Variants in CAND2 observed in about 807,000 individuals in gnomAD.
CAND2 encodes the protein cullin-associated NEDD8-dissociated protein 2.
A neutral mutation model predicts 98.9 loss-of-function variants in CAND2; 62 were observed. The observed-to-expected ratio is 0.63, with a 90% CI of 0.51 to 0.77. CAND2 has a LOEUF of 0.77. CAND2 is among the 30% of genes least tolerant of loss of function. The pLI, the probability that CAND2 is intolerant of heterozygous loss-of-function variation, is 0.00. For missense variants in CAND2, 1,501 were observed against 1,655.2 expected (o/e 0.91, Z 1.62); for synonymous variants, 770 against 731.9 (o/e 1.05, Z -0.84).
At chr3:12,833,127 G>T (rs141472202) in intron 14 of CAND2, among the ~76,000 whole-genome samples, 2 of 152,308 alleles carry the variant, frequency 1.3e-5, no homozygotes, top group East Asian at 3.9e-4. Flanking sequence ...CCACTGCATT[G>T]AATTCTTTAG....
chr3:12,810,157 G>A lies in CAND2; in HGVS notation c.590G>A (p.Gly197Glu). Residue 197 changes from glycine to glutamate, a missense_variant, in exon 5 of 15, where the codon GGA becomes GAA. By Grantham distance (98) the Gly-to-Glu change is moderately conservative. Coordinates refer to ENST00000456430, the MANE Select transcript of CAND2 (RefSeq NM_001162499.2). ...CTGGCGGTGCGCAAGCGGGCGGTCG[G>A]AGCGCTTGGCCACCTGGCGGCCGCC... ...PRLAVRKRAV[G>E]ALGHLAAACS... 6.5e-7 allele frequency: 1 copy of A among 1,526,980 alleles called. No homozygotes were observed. Among genetic ancestry groups the A allele is most frequent in the East Asian group, 2.5e-5 (1 of 39,222 alleles). 94.6% of individuals were successfully genotyped at this position (1,526,980 alleles called of 1,614,324 possible). A position where few individuals can be genotyped will look rare whatever the true frequency, so the allele number is the denominator to read the frequency against.
At chr3:12,804,535 T>C (rs944820762) in intron 2 of CAND2, among the ~76,000 whole-genome samples, 1 of 152,106 alleles carries the variant, frequency 6.6e-6, no homozygotes, top group Non-Finnish European at 1.5e-5. Flanking sequence ...CAGCCTTAGA[T>C]CACTGTGAGG....
chr3:12,810,085 A>G lies in CAND2; in HGVS notation c.518A>G (p.His173Arg). 6.9e-7 allele frequency: 1 copy of G among 1,445,102 alleles called. No individual in the cohort carries two copies. The highest frequency in any genetic ancestry group is 9.1e-7 in the Non-Finnish European group (1 of 1,099,796). The allele number at this position is 1,445,102 out of a possible 1,614,324, so 89.5% of individuals were successfully genotyped here. ...SRLGVPLGAF[H>R]ASLLHCLLPQ... ...CTGGGTGTCCCGCTGGGCGCCTTCCACGCCAGCCTCCTGCACTGTCTGCTG... is the reference window on the plus strand; with the variant it reads ...CTGGGTGTCCCGCTGGGCGCCTTCCGCGCCAGCCTCCTGCACTGTCTGCTG... The change falls in exon 5 of 15, where the codon CAC becomes CGC. Residue 173 changes from histidine (H) to arginine (R), a missense_variant. By Grantham distance (29) the His-to-Arg change is conservative. Transcript: ENST00000456430.
At chr3:12,798,830 C>A (rs895048105) in intron 1 of CAND2, among the ~76,000 whole-genome samples, 6 of 152,210 alleles carry the variant, frequency 3.9e-5, no homozygotes, top group African/African-American at 1.4e-4. Context: ...GACCAGCTGT[C>A]CAGGCGTCCG....
chr3:12,810,283 A>G lies in CAND2; in HGVS notation c.716A>G (p.Gln239Arg), dbSNP rs1262804294. ...CCGACTGCCATCCGCACCCTGATCC[A>G]ATGTTTGGGCAGCGTCGGCCGCCAG... is the stretch of plus-strand genomic sequence containing the variant. Reference protein sequence around the residue: ...TSPTAIRTLIQCLGSVGRQAG... With the variant: ...TSPTAIRTLIRCLGSVGRQAG... The change falls in exon 5 of 15, where the codon CAA becomes CGA. Residue 239 changes from glutamine (Q) to arginine (R), a missense_variant. Around this residue, in one of 3 missense-constraint regions of CAND2, gnomAD observed 1,427 missense variants for 1,545.3 expected, o/e 0.92. Coordinates refer to ENST00000456430, the MANE Select transcript of CAND2 (RefSeq NM_001162499.2). The G allele has an allele frequency of 2.7e-6, 4 of 1,492,600 alleles. No homozygotes were observed. Among genetic ancestry groups the G allele is most frequent in the Non-Finnish European group, 3.6e-6 (4 of 1,120,888 alleles). The allele number at this position is 1,492,600 out of a possible 1,614,324, so 92.5% of individuals were successfully genotyped here.
chr3:12,800,533 T>G (rs2061758069), intron 1 of CAND2, among the ~76,000 whole-genome samples: 1 of 152,132 alleles, frequency 6.6e-6, no homozygotes, highest in Non-Finnish European at 1.5e-5. Context: ...TCCTGTTTTC[T>G]CCTGAGACTC....
chr3:12,817,308 T>C lies in CAND2; in HGVS notation c.2376T>C (p.Gly792=). The change falls in exon 10 of 15, where the codon GGT becomes GGC. Residue 792 remains glycine (G), a synonymous_variant. Transcript: ENST00000456430. ...CTGTTTATGAGCAGGCTGTGGATGG[T>C]GGGCCTGGCCTGCACAAGCAGGTGT... ...TAPVYEQAVD[G]GPGLHKQVFH... 1 of 1,613,862 alleles carries C rather than the reference T, an allele frequency of 6.2e-7. No individual in the cohort carries two copies. The highest frequency in any genetic ancestry group is 8.5e-7 in the Non-Finnish European group (1 of 1,180,012).
chr3:12,827,577 C>G lies in CAND2; in HGVS notation c.3348C>G (p.Asp1116Glu). The change falls in exon 13 of 15, where the codon GAC (aspartate) becomes GAG (glutamate). Residue 1116 changes from aspartate to glutamate, a missense_variant. By Grantham distance (45) the Asp-to-Glu change is conservative. Around this residue, in one of 3 missense-constraint regions of CAND2, gnomAD observed 1,427 missense variants for 1,545.3 expected, o/e 0.92. Coordinates refer to ENST00000456430, the MANE Select transcript of CAND2 (RefSeq NM_001162499.2). ...GTGAGTTCCTGAACCATGTGGAGGA[C>G]GGGCTGAAGGACCACTACGACATCC... ...DICEFLNHVE[D>E]GLKDHYDIRM... is the part of the protein sequence containing the mutation. 1.2e-6 allele frequency: 2 copies of G among 1,613,022 alleles called. No homozygotes were observed. The highest frequency in any genetic ancestry group is 1.7e-6 in the Non-Finnish European group (2 of 1,179,362).
At chr3:12,812,814 C>T (rs1287496224) in intron 5 of CAND2, among the ~76,000 whole-genome samples, 176 bp from the exon 6 acceptor site, 3 of 152,208 alleles carry the variant, frequency 2.0e-5, no homozygotes, top group African/African-American at 7.2e-5. Flanking sequence ...CCCAAGGTCC[C>T]ATAGCAGTTG....
intron 10 of CAND2, among the ~76,000 whole-genome samples, chr3:12,819,512 G>A (rs2061937461): frequency 6.6e-6 from 1 of 152,178 alleles, no homozygotes; most frequent in Admixed American, 6.5e-5. Flanking sequence ...CAAAGCACAA[G>A]TAAGCAAGCT....
chr3:12,819,814 G>A (rs1176855266), intron 10 of CAND2, among the ~76,000 whole-genome samples: 1 of 152,178 alleles, frequency 6.6e-6, no homozygotes, highest in Non-Finnish European at 1.5e-5. Context: ...GTCTTTGTTG[G>A]AGCAGTTCCT....
At chr3:12,805,036 A>G (rs1349749854) in intron 2 of CAND2, among the ~76,000 whole-genome samples, 1 of 152,230 alleles carries the variant, frequency 6.6e-6, no homozygotes, top group African/African-American at 2.4e-5. Context: ...TTCATACATT[A>G]TAAAACCTAC....
intron 13 of CAND2, among the ~76,000 whole-genome samples, chr3:12,828,549 C>T (rs1265882811): frequency 6.6e-6 from 1 of 151,990 alleles, no homozygotes; most frequent in Non-Finnish European, 1.5e-5. Context: ...ACCATATTGG[C>T]CAGGCTGGTC....
chr3:12,806,264 C>T (rs111269068), intron 2 of CAND2, among the ~76,000 whole-genome samples: 48 of 152,002 alleles, frequency 3.2e-4, no homozygotes, highest in East Asian at 9.7e-4. Context: ...GCTATGATCA[C>T]GCCACTGTAT....
Position 12,807,412 on chromosome 3 carries a change from G to A in CAND2, c.319G>A (p.Gly107Ser), listed in dbSNP as rs1191430885. Residue 107 changes from glycine to serine, a missense_variant, in exon 3 of 15, where the codon GGC (glycine) becomes AGC (serine). This residue lies in a region of CAND2 where 1,427 missense variants were observed against 1,545.3 expected (regional missense o/e 0.92). Coordinates refer to ENST00000456430, the MANE Select transcript of CAND2 (RefSeq NM_001162499.2). ...SDKEQLRDIA[G>S]IGLKTVLSEL... ...CAAGGAGCAGCTGCGAGACATTGCC[G>A]GCATTGGCCTCAAGACCGTCCTCTC... 1.2e-5 allele frequency: 19 copies of A among 1,551,594 alleles called. No individual in the cohort carries two copies. The highest frequency in any genetic ancestry group is 3.9e-5 in the Admixed American group (2 of 50,984).
intron 13 of CAND2, among the ~76,000 whole-genome samples, chr3:12,829,456 A>G (rs1051242257): frequency 3.3e-5 from 5 of 152,230 alleles, no homozygotes; most frequent in Admixed American, 6.5e-5. Flanking sequence ...CCCATATTAC[A>G]ACTTTAAAAA....
chr3:12,833,673 AG>A, intron 14 of CAND2, 81 bp from the exon 15 acceptor site: 1 of 1,084,472 alleles, frequency 9.2e-7, no homozygotes, highest in Non-Finnish European at 1.4e-6. Context: ...TGGGGCAGAG[AG>A]GAAGCCAAAG....
intron 4 of CAND2, 109 bp from the exon 5 acceptor site, chr3:12,809,950 G>A (rs2061836917): frequency 1.6e-6 from 2 of 1,252,750 alleles, no homozygotes; most frequent in African/African-American, 1.6e-5. Context: ...GGGCCATTGA[G>A]TTGCCATAAT....
At chr3:12,805,294 T>C (rs1236691302) in intron 2 of CAND2, among the ~76,000 whole-genome samples, 3 of 150,762 alleles carry the variant, frequency 2.0e-5, no homozygotes, top group East Asian at 1.9e-4. Context: ...TTTTCTTCTT[T>C]TTTTTTTTTT....
Sources: allele counts gnomAD v4.1 joint callset (sites outside exome capture counted in the v4.1 genomes callset), GRCh38; gene constraint gnomAD v4.1.1; regional missense constraint gnomAD v4.1.1; transcripts MANE v1.5; gene names NCBI Gene and HGNC (gene_info 2026-07-23, HGNC 2026-07-21).